The following RFT1 variants were observed in gnomAD, a reference collection of about 807,000 sequenced individuals.
RFT1 encodes man(5)GlcNAc(2)-PP-dolichol translocation protein RFT1.
In RFT1, 43 loss-of-function variants were observed where a neutral mutation model predicts 62.2. That is an observed-to-expected ratio of 0.69 (90% CI 0.54 to 0.89). The LOEUF (loss-of-function observed/expected upper bound fraction) is 0.89, where lower values mean the gene tolerates loss of function less well. Among genes scored for constraint, RFT1 ranks in the 40% least tolerant of loss-of-function variants. The probability of loss-of-function intolerance (pLI) is 0.00; values close to 1 mark genes in which losing one functional copy is unlikely to be tolerated. For missense variants in RFT1, 605 were observed against 649.9 expected (o/e 0.93, Z 0.75); for synonymous variants, 262 against 264.6 (o/e 0.99, Z 0.10).
chr3:53,102,806 AAACT>A (rs1701355975), intron 10 of RFT1, among the ~76,000 whole-genome samples: 3 of 152,214 alleles, frequency 2.0e-5, no homozygotes, highest in Admixed American at 2.0e-4. Flanking sequence ...TCCACTTTCA[AAACT>A]AAGATGATGG....
chr3:53,123,683 C>A, intron 3 of RFT1, 41 bp downstream of exon 3: 2 of 1,472,256 alleles, frequency 1.4e-6, no homozygotes, highest in South Asian at 1.1e-5. Flanking sequence ...CTCACTACAC[C>A]TGCCTTCCTG....
chr3:53,109,409 T>C (rs1701584195), intron 7 of RFT1, among the ~76,000 whole-genome samples: 1 of 152,212 alleles, frequency 6.6e-6, no homozygotes, highest in Non-Finnish European at 1.5e-5. Context: ...ATGAAATGCC[T>C]GAGGCCATGG....
chr3:53,086,817 G>A (rs561483244), downstream of RFT1, among the ~76,000 whole-genome samples: 3 of 152,260 alleles, frequency 2.0e-5, no homozygotes, highest in South Asian at 2.1e-4. Context: ...TCATGAGTCC[G>A]TGGGTCAGCT....
At chr3:53,071,769 C>A in the RFT1 span, among the ~76,000 whole-genome samples, 11 of 152,212 alleles carry the variant, frequency 7.2e-5, no homozygotes, top group African/African-American at 2.7e-4. Flanking sequence ...CACTTAGCAG[C>A]TCCTGGGGCT....
At chr3:53,115,292 A>AT (rs1701760858) in intron 6 of RFT1, among the ~76,000 whole-genome samples, 4 of 152,284 alleles carry the variant, frequency 2.6e-5, no homozygotes, top group Admixed American at 2.6e-4. Flanking sequence ...TGGCTTTCTC[A>AT]TCTGCAAAAT....
the RFT1 span, among the ~76,000 whole-genome samples, chr3:53,079,122 A>G: frequency 2.6e-5 from 4 of 152,224 alleles, no homozygotes; most frequent in African/African-American, 9.6e-5. Flanking sequence ...TTCAAAGGCA[A>G]CCAGGACTCC....
At chr3:53,107,434 G>A (rs1485762523) in intron 7 of RFT1, among the ~76,000 whole-genome samples, 1 of 152,004 alleles carries the variant, frequency 6.6e-6, no homozygotes, top group African/African-American at 2.4e-5. Flanking sequence ...ACCACGCCCA[G>A]CCCTAAAAAT....
intron 11 of RFT1, 128 bp from the exon 12 acceptor site, chr3:53,092,746 A>G (rs1330995978): frequency 9.3e-7 from 1 of 1,075,790 alleles, no homozygotes; most frequent in South Asian, 1.5e-5. Context: ...TTTTCATAAC[A>G]TCGAATGCTA....
intron 1 of RFT1, among the ~76,000 whole-genome samples, chr3:53,127,069 G>C (rs1360858944): frequency 6.6e-6 from 1 of 151,958 alleles, no homozygotes; most frequent in East Asian, 1.9e-4. Context: ...AACCGTTATG[G>C]AGTCAAAGGT....
Position 53,121,756 on chromosome 3 carries a change from T to C in RFT1, c.501A>G (p.Thr167=), listed in dbSNP as rs1471438472. 2.0e-5 allele frequency: 32 copies of C among 1,613,906 alleles called. No homozygotes were observed. Among genetic ancestry groups the C allele is most frequent in the Non-Finnish European group, 2.7e-5 (32 of 1,179,964 alleles). ...GAGGCAACCACAGCACGAGAAAAGC[T>C]GTCAGAACGCTCTTAAGAATTACCG... The part of the protein sequence containing the change: ...SLSVILKSVL[T]AFLVLWLPHW... The change falls in exon 5 of 13, where the codon ACA becomes ACG. Residue 167 remains threonine (T), a synonymous_variant. Transcript: ENST00000296292.
chr3:53,093,170 A>T (rs566885500), intron 11 of RFT1, among the ~76,000 whole-genome samples: 38 of 152,334 alleles, frequency 2.5e-4, no homozygotes, highest in African/African-American at 8.9e-4. Context: ...TGCAGCACCC[A>T]GTAACCTTGG....
downstream of RFT1, among the ~76,000 whole-genome samples, chr3:53,084,973 T>C (rs1171314561): frequency 1.3e-5 from 2 of 152,074 alleles, no homozygotes; most frequent in Middle Eastern, 3.2e-3. Context: ...GGGTGGCCCA[T>C]CTACTGGCTA....
intron 10 of RFT1, 72 bp downstream of exon 10, chr3:53,103,881 G>A (rs1220348948): frequency 2.5e-6 from 4 of 1,577,280 alleles, no homozygotes; most frequent in Non-Finnish European, 3.5e-6. Context: ...GTGTGCACAA[G>A]TTCTTGAATT....
intron 5 of RFT1, 36 bp from the exon 6 acceptor site, chr3:53,120,057 A>AT: frequency 6.4e-7 from 1 of 1,558,040 alleles, no homozygotes; most frequent in Non-Finnish European, 8.7e-7. Flanking sequence ...ATAAAGGCAT[A>AT]ATTAAGATAT....
the RFT1 span, among the ~76,000 whole-genome samples, chr3:53,070,404 T>G: frequency 4.3e-5 from 6 of 137,976 alleles, 1 homozygote; most frequent in Admixed American, 1.4e-4. Flanking sequence ...TTTTTTTTTT[T>G]TTTTTTTTTT....
chr3:53,092,064 G>A lies in RFT1; in HGVS notation c.1465C>T (p.Leu489Phe). 3 of 1,614,224 alleles carry A rather than the reference G, an allele frequency of 1.9e-6. No homozygotes were observed. Among genetic ancestry groups the A allele is most frequent in the Non-Finnish European group, 2.5e-6 (3 of 1,180,040 alleles). Reference sequence around the variant, plus strand: ...GCTGGCCAGCCCTGCTCACAGCAGAGGAATACCTGGGGAAAGAAACCATTG... The same window carrying A: ...GCTGGCCAGCCCTGCTCACAGCAGAAGAATACCTGGGGAAAGAAACCATTG... Reference protein sequence around the residue: ...GGVTAVSEVFLCCEQGWPARL... With the variant: ...GGVTAVSEVFFCCEQGWPARL... Residue 489 changes from leucine (L) to phenylalanine (F), a missense_variant, in exon 13 of 13, where the codon CTC becomes TTC. By Grantham distance (22) the Leu-to-Phe change is conservative. Coordinates refer to ENST00000296292, the MANE Select transcript of RFT1 (RefSeq NM_052859.4).
At chr3:53,083,869 G>A (rs1700805492), downstream of RFT1, among the ~76,000 whole-genome samples, 1 of 152,262 alleles carries the variant, frequency 6.6e-6, no homozygotes, top group Admixed American at 6.5e-5. Flanking sequence ...GGGGATCTCA[G>A]AAGCCATGTG....
intron 7 of RFT1, among the ~76,000 whole-genome samples, chr3:53,107,167 G>A (rs1310997991): frequency 2.1e-5 from 3 of 141,408 alleles, no homozygotes; most frequent in Non-Finnish European, 4.5e-5. Context: ...ACGGAGTCTC[G>A]CTCTGTCACC....
chr3:53,107,796 A>C (rs1289740831), intron 7 of RFT1, among the ~76,000 whole-genome samples: 1 of 152,142 alleles, frequency 6.6e-6, no homozygotes, highest in Non-Finnish European at 1.5e-5. Flanking sequence ...GAAAAGGAGC[A>C]CTAAACAGTG....
Sources: gnomAD v4.1 joint callset for allele counts (sites outside exome capture counted in the v4.1 genomes callset) on GRCh38, gnomAD v4.1.1 for gene constraint, MANE v1.5 for transcripts, NCBI Gene and HGNC (gene_info 2026-07-23, HGNC 2026-07-21) for gene names.